THADA: variants seen among roughly 807,000 people sequenced by gnomAD.
The protein encoded by THADA is THADA armadillo repeat containing.
THADA carries 213 observed loss-of-function variants against 219.8 expected under a neutral mutation model. The observed-to-expected ratio is 0.97, with a 90% CI of 0.87 to 1.09. THADA has a LOEUF of 1.09. Among genes scored for constraint, THADA ranks in the 50% least tolerant of loss-of-function variants. The pLI is 0.00. For missense variants in THADA, 2,956 were observed against 2,311.3 expected, an observed-to-expected ratio of 1.28 and a Z score of -5.72; for synonymous variants, 1,018 against 828.9, an observed-to-expected ratio of 1.23 and a Z score of -3.92.
At chr2:43,361,321 G>T (rs1043821001) in intron 29 of THADA, among the ~76,000 whole-genome samples, 2 of 152,150 alleles carry the variant, frequency 1.3e-5, no homozygotes, top group African/African-American at 4.8e-5. Flanking sequence ...ATCCCATGAG[G>T]TTGCCATGAA....
chr2:43,393,078 A>C (rs1673584779), intron 29 of THADA, among the ~76,000 whole-genome samples: 3 of 152,100 alleles, frequency 2.0e-5, no homozygotes, highest in Admixed American at 2.0e-4. Flanking sequence ...CCAAGGGAGG[A>C]TCTGTATTTC....
chr2:43,585,710 T>TA (rs1184760619), intron 7 of THADA, among the ~76,000 whole-genome samples: 1 of 151,648 alleles, frequency 6.6e-6, no homozygotes, highest in Non-Finnish European at 1.5e-5. Context: ...GTAAAGATGA[T>TA]AAAAAACAAA....
intron 31 of THADA, among the ~76,000 whole-genome samples, chr2:43,295,918 GTTT>G (rs35182242): frequency 7.0e-5 from 9 of 128,350 alleles, no homozygotes; most frequent in African/African-American, 1.7e-4. Flanking sequence ...AACCTCTACT[GTTT>G]TTTTTTTTTT....
intron 30 of THADA, among the ~76,000 whole-genome samples, chr2:43,322,830 C>T (rs144128964): frequency 0.056 from 8,405 of 151,330 alleles, 309 homozygotes; most frequent in South Asian, 0.17. Context: ...GGACTACAGG[C>T]GCCCGCCGCC....
intron 34 of THADA, among the ~76,000 whole-genome samples, chr2:43,287,805 T>G (rs1674219486): frequency 6.6e-6 from 1 of 152,202 alleles, no homozygotes; most frequent in African/African-American, 2.4e-5. Context: ...CCAGTCTCTC[T>G]TGCTTTTGGG....
chr2:43,284,834 C>T (rs1315211272), intron 35 of THADA, among the ~76,000 whole-genome samples: 5 of 152,232 alleles, frequency 3.3e-5, no homozygotes, highest in African/African-American at 9.6e-5. Flanking sequence ...CAGAGCTGCA[C>T]AAGGCCTTTG....
intron 31 of THADA, among the ~76,000 whole-genome samples, chr2:43,302,330 G>C (rs1676358967): frequency 6.6e-6 from 1 of 152,156 alleles, no homozygotes; most frequent in Non-Finnish European, 1.5e-5. Flanking sequence ...TTCCTGGCTG[G>C]AGCTTTTTTC....
intron 22 of THADA, among the ~76,000 whole-genome samples, chr2:43,525,968 C>A (rs1327412371): frequency 1.3e-5 from 2 of 152,216 alleles, no homozygotes; most frequent in African/African-American, 2.4e-5. Flanking sequence ...TCTAACCTAA[C>A]ATTTCCAACC....
chr2:43,587,377 A>C (rs1701135280), intron 4 of THADA, among the ~76,000 whole-genome samples: 1 of 151,990 alleles, frequency 6.6e-6, no homozygotes, highest in Non-Finnish European at 1.5e-5. Context: ...TTAGCTCCTG[A>C]CCTCATCTTT....
At chr2:43,299,337 A>G (rs1050040774) in intron 31 of THADA, among the ~76,000 whole-genome samples, 1 of 152,172 alleles carries the variant, frequency 6.6e-6, no homozygotes, top group African/African-American at 2.4e-5. Context: ...GACCAATGGG[A>G]GGACAAAGAA....
chr2:43,469,182 G>A (rs1295183748), intron 26 of THADA, among the ~76,000 whole-genome samples: 1 of 152,154 alleles, frequency 6.6e-6, no homozygotes, highest in Non-Finnish European at 1.5e-5. Context: ...AGGCACTGTA[G>A]GAGTAGAAAA....
At chr2:43,234,223 G>A (rs759645823) in intron 36 of THADA, among the ~76,000 whole-genome samples, 6 of 152,238 alleles carry the variant, frequency 3.9e-5, no homozygotes, top group African/African-American at 1.4e-4. Context: ...CATGCAAAGC[G>A]CAGATTTGGA....
At chr2:43,417,912 A>G (rs1239946027) in intron 28 of THADA, among the ~76,000 whole-genome samples, 1 of 152,230 alleles carries the variant, frequency 6.6e-6, no homozygotes, top group Non-Finnish European at 1.5e-5. Flanking sequence ...TAGTGCTGTC[A>G]TCATGATTAA....
intron 28 of THADA, among the ~76,000 whole-genome samples, chr2:43,404,717 C>T (rs1023716682): frequency 1.3e-5 from 2 of 152,066 alleles, no homozygotes; most frequent in African/African-American, 2.4e-5. Flanking sequence ...TATCACAGAG[C>T]GCATAGGACA....
intron 26 of THADA, among the ~76,000 whole-genome samples, chr2:43,462,615 C>T (rs1683765860): frequency 6.6e-6 from 1 of 152,088 alleles, no homozygotes; most frequent in Non-Finnish European, 1.5e-5. Flanking sequence ...GTGAAATAAA[C>T]TAAACTCAGA....
At chr2:43,247,327 T>C (rs948640256) in intron 36 of THADA, among the ~76,000 whole-genome samples, 4 of 152,000 alleles carry the variant, frequency 2.6e-5, no homozygotes, top group African/African-American at 9.7e-5. Context: ...AACAAGACAA[T>C]GACTGGGGGA....
chr2:43,375,938 A>G (rs1242265967), intron 29 of THADA, among the ~76,000 whole-genome samples: 2 of 152,222 alleles, frequency 1.3e-5, no homozygotes, highest in African/African-American at 2.4e-5. Flanking sequence ...AATCAGTGTC[A>G]GTGTTCACAA....
At chr2:43,236,288 TG>T (rs1668024140) in intron 36 of THADA, among the ~76,000 whole-genome samples, 1 of 152,196 alleles carries the variant, frequency 6.6e-6, no homozygotes, top group Admixed American at 6.6e-5. Context: ...TGAGATGTTT[TG>T]GGGATGCGGG....
At chr2:43,414,128 T>A (rs565913985) in intron 28 of THADA, among the ~76,000 whole-genome samples, 1 of 152,268 alleles carries the variant, frequency 6.6e-6, no homozygotes. Context: ...GTTTTTGATC[T>A]ACAGTTGGTT....
Sources: allele counts gnomAD v4.1 joint callset (sites outside exome capture counted in the v4.1 genomes callset), GRCh38; gene constraint gnomAD v4.1.1; transcripts MANE v1.5; gene names NCBI Gene and HGNC (gene_info 2026-07-23, HGNC 2026-07-21).